The following DCDC1 variants were observed in gnomAD, a reference collection of about 807,000 sequenced individuals.
DCDC1 encodes doublecortin domain containing 1, also known as doublecortin domain-containing protein 1.
DCDC1 carries 200 observed loss-of-function variants against 178.3 expected under a neutral mutation model. The ratio of observed to expected loss-of-function variants is 1.12; its 90% CI spans 1.00 to 1.26. The LOEUF (loss-of-function observed/expected upper bound fraction) is 1.26. Ranked by LOEUF, DCDC1 falls within the 50% of genes most tolerant of loss-of-function variation. The probability of loss-of-function intolerance (pLI) is 0.00; values close to 1 mark genes in which losing one functional copy is unlikely to be tolerated. For missense variants in DCDC1, 1,983 were observed against 1,749.2 expected (o/e 1.13, Z -2.38); for synonymous variants, 690 against 604.8 (o/e 1.14, Z -2.07).
At chr11:30,982,669 C>T (rs1474452303) in intron 20 of DCDC1, among the ~76,000 whole-genome samples, 3 of 150,604 alleles carry the variant, frequency 2.0e-5, no homozygotes, top group Admixed American at 1.3e-4. Context: ...CACATTAGAT[C>T]GTATATCTCT....
intron 15 of DCDC1, among the ~76,000 whole-genome samples, chr11:31,095,117 A>G (rs1001554111): frequency 1.3e-5 from 2 of 152,120 alleles, no homozygotes; most frequent in Non-Finnish European, 2.9e-5. Context: ...TGCAAAGGAC[A>G]TGAACTTTTT....
intron 9 of DCDC1, among the ~76,000 whole-genome samples, chr11:31,193,901 G>A (rs1970394545): frequency 6.6e-6 from 1 of 152,052 alleles, no homozygotes; most frequent in African/African-American, 2.4e-5. Context: ...AAGTACTCAT[G>A]TCAATTCTTA....
At chr11:31,350,407 A>G (rs1162729200) in intron 1 of DCDC1, among the ~76,000 whole-genome samples, 4 of 152,156 alleles carry the variant, frequency 2.6e-5, no homozygotes, top group Non-Finnish European at 5.9e-5. Context: ...TTCCTAAAAT[A>G]TAGAATATGT....
intron 20 of DCDC1, among the ~76,000 whole-genome samples, chr11:31,027,486 T>C (rs376757690): frequency 6.6e-6 from 1 of 151,844 alleles, no homozygotes. Context: ...TCAGAATGTA[T>C]ACCATAAACC....
At chr11:30,999,384 C>A (rs1377864396) in intron 20 of DCDC1, among the ~76,000 whole-genome samples, 1 of 152,178 alleles carries the variant, frequency 6.6e-6, no homozygotes, top group African/African-American at 2.4e-5. Flanking sequence ...ACTCTCTATA[C>A]TACCTTTACA....
At chr11:31,359,335 C>CA (rs1951578401) in intron 1 of DCDC1, among the ~76,000 whole-genome samples, 1 of 148,390 alleles carries the variant, frequency 6.7e-6, no homozygotes, top group Non-Finnish European at 1.5e-5. Flanking sequence ...ATCGCAAGAA[C>CA]AAAAAACCAA....
intron 20 of DCDC1, among the ~76,000 whole-genome samples, chr11:30,962,547 T>C (rs763751567): frequency 6.6e-6 from 1 of 152,052 alleles, no homozygotes; most frequent in Non-Finnish European, 1.5e-5. Flanking sequence ...TCTCAACTGA[T>C]TTTCTTTAAG....
chr11:30,940,904 A>T (rs1451937074), intron 21 of DCDC1, among the ~76,000 whole-genome samples: 1 of 152,160 alleles, frequency 6.6e-6, no homozygotes, highest in Non-Finnish European at 1.5e-5. Context: ...TCCTTCAAGT[A>T]TGCTTTAGCT....
At chr11:31,014,316 A>C (rs1374563904) in intron 20 of DCDC1, among the ~76,000 whole-genome samples, 1 of 151,766 alleles carries the variant, frequency 6.6e-6, no homozygotes. Context: ...TACCATTACA[A>C]GCCCTGTGGA....
chr11:31,005,466 T>C (rs1026737216), intron 20 of DCDC1, among the ~76,000 whole-genome samples: 10 of 152,246 alleles, frequency 6.6e-5, no homozygotes, highest in Non-Finnish European at 1.5e-4. Flanking sequence ...CCAACTTTAG[T>C]GCAGCTCATG....
rs118147883 is a variant in DCDC1 at position 31,295,340 on chromosome 11, C to T, written c.755-4488G>A. Among the ~76,000 whole-genome samples, 1,257 of 152,098 alleles carry T rather than the reference C, an allele frequency of 8.3e-3. 39 individuals carry two copies. Among genetic ancestry groups the T allele is most frequent in the Admixed American group, 0.064 (974 of 15,294 alleles). Reference sequence around the variant, plus strand: ...TGCAGAACCCGTGGATACAGAGGGTCGACTATAGTGCATAGTGTAGTAGAC... The same window carrying T: ...TGCAGAACCCGTGGATACAGAGGGTTGACTATAGTGCATAGTGTAGTAGAC... On this transcript the variant is annotated intron_variant, in intron 6 of 38. Transcript: ENST00000684477.
intron 9 of DCDC1, among the ~76,000 whole-genome samples, chr11:31,146,511 G>A (rs1964473862): frequency 6.6e-6 from 1 of 152,170 alleles, no homozygotes; most frequent in South Asian, 2.1e-4. Flanking sequence ...TCAAGGTGTT[G>A]GGGGAAGGGG....
At chr11:31,366,671 T>C (rs1951973367) in intron 1 of DCDC1, among the ~76,000 whole-genome samples, 4 of 152,186 alleles carry the variant, frequency 2.6e-5, no homozygotes, top group Non-Finnish European at 5.9e-5. Context: ...GTTCCATCTA[T>C]GTCTTGCTGC....
At position 30,915,596 on chromosome 11, in the gene DCDC1, T is replaced by A. The variant is rs1409724031; in HGVS notation, c.3568A>T (p.Asn1190Tyr). 1.2e-6 allele frequency: 2 copies of A among 1,613,984 alleles called. No individual in the cohort carries two copies. The highest frequency in any genetic ancestry group is 2.2e-5 in the East Asian group (1 of 44,874). ...ACCACCTCCATGCCTGATCGGAGAT[T>A]GGGACCTTGAACCCCCAAGACTAGC... ...PQLVLGVQGPNLRSGMEVVLV... is the reference protein window; with the variant it reads ...PQLVLGVQGPYLRSGMEVVLV... Residue 1190 changes from asparagine to tyrosine, a missense_variant, in exon 27 of 39, where the codon AAT becomes TAT. Physicochemically the swap from Asn to Tyr is moderately radical, Grantham distance 143 (BLOSUM62 -2). Coordinates refer to ENST00000684477, the MANE Select transcript of DCDC1 (RefSeq NM_001387274.1).
intron 1 of DCDC1, among the ~76,000 whole-genome samples, chr11:31,359,327 C>T (rs145515234): frequency 2.7e-5 from 4 of 150,528 alleles, no homozygotes; most frequent in East Asian, 2.0e-4. Flanking sequence ...GGTAAACTAT[C>T]GCAAGAACAA....
intron 2 of DCDC1, among the ~76,000 whole-genome samples, chr11:31,328,945 CTTTTTTTTTT>C (rs1176942329): frequency 2.1e-5 from 1 of 47,786 alleles, no homozygotes; most frequent in African/African-American, 7.3e-5. Context: ...CACCACAAGG[CTTTTTTTTTT>C]TTTTTTTTTT....
chr11:31,033,205 G>A (rs1953780635), intron 20 of DCDC1, among the ~76,000 whole-genome samples: 1 of 152,148 alleles, frequency 6.6e-6, no homozygotes, highest in African/African-American at 2.4e-5. Context: ...TCTGTTTCAA[G>A]TGTAGAGAGG....
chr11:31,307,263 T>C (rs1029654373), intron 4 of DCDC1, among the ~76,000 whole-genome samples: 1 of 152,230 alleles, frequency 6.6e-6, no homozygotes, highest in African/African-American at 2.4e-5. Flanking sequence ...AAAACATATT[T>C]ACAAAATTGT....
chr11:30,875,848 A>G (rs972293775), intron 38 of DCDC1, among the ~76,000 whole-genome samples: 2 of 152,168 alleles, frequency 1.3e-5, no homozygotes, highest in South Asian at 2.1e-4. Context: ...CATTACTAAT[A>G]TATCCTGTTT....
Sources: gnomAD v4.1 joint callset for allele counts (sites outside exome capture counted in the v4.1 genomes callset) on GRCh38, gnomAD v4.1.1 for gene constraint, MANE v1.5 for transcripts, NCBI Gene and HGNC (gene_info 2026-07-23, HGNC 2026-07-21) for gene names.